Variants in ZNF618 observed in about 807,000 individuals in gnomAD.
ZNF618 encodes zinc finger protein 618, also known as neural precursor cell expressed, developmentally down-regulated 10.
Under a neutral mutation model 103.0 loss-of-function variants are expected in ZNF618, and 34 were observed. The ratio of observed to expected loss-of-function variants is 0.33; its 90% confidence interval spans 0.25 to 0.44. The LOEUF (loss-of-function observed/expected upper bound fraction) is 0.44. ZNF618 is among the 20% of genes least tolerant of loss of function. ZNF618 has a pLI of 1.00. For synonymous variants in ZNF618, 551 were observed against 542.2 expected, an observed-to-expected ratio of 1.02 and a Z score of -0.23; for missense variants, 1,059 against 1,295.4, an observed-to-expected ratio of 0.82 and a Z score of 2.80.
At chr9:113,892,112 TA>T (rs1456440547) in intron 1 of ZNF618, among the ~76,000 whole-genome samples, 6 of 152,152 alleles carry the variant, frequency 3.9e-5, no homozygotes, top group Non-Finnish European at 8.8e-5. Context: ...TTCAGTTTTG[TA>T]AAATGAAAAA....
At chr9:113,913,639 T>C (rs1831775526) in intron 1 of ZNF618, among the ~76,000 whole-genome samples, 1 of 150,450 alleles carries the variant, frequency 6.6e-6, no homozygotes, top group South Asian at 2.1e-4. Flanking sequence ...TTGGCAGATA[T>C]CACTCCTTGG....
Position 114,049,026 on chromosome 9 carries a change from A to G in ZNF618, c.1724A>G (p.His575Arg). ...ILTAYQAEGN[H>R]IKSYVLGVKG... ...ACAGCCTACCAGGCCGAGGGCAACC[A>G]CATCAAGAGCTATGTGCTTGGTGTG... Residue 575 changes from histidine (H) to arginine (R), a missense_variant, in exon 15 of 15, where the codon CAC becomes CGC. By Grantham distance (29) the His-to-Arg change is conservative. Transcript: ENST00000374126. 1 of 1,613,358 alleles carries G rather than the reference A, an allele frequency of 6.2e-7. No individual in the cohort carries two copies. The highest frequency in any genetic ancestry group is 8.5e-7 in the Non-Finnish European group (1 of 1,179,440).
chr9:113,988,092 T>C (rs1186839277), intron 2 of ZNF618, among the ~76,000 whole-genome samples: 1 of 152,124 alleles, frequency 6.6e-6, no homozygotes, highest in Admixed American at 6.5e-5. Context: ...ATGGGTGGAG[T>C]TGGAGGCTTT....
chr9:113,882,506 C>A (rs1238155341), intron 1 of ZNF618, among the ~76,000 whole-genome samples: 1 of 152,176 alleles, frequency 6.6e-6, no homozygotes, highest in African/African-American at 2.4e-5. Flanking sequence ...GAGATTAAGT[C>A]CCACTGACAA....
At chr9:113,939,329 T>A (rs966075146) in intron 1 of ZNF618, among the ~76,000 whole-genome samples, 1 of 152,170 alleles carries the variant, frequency 6.6e-6, no homozygotes, top group Non-Finnish European at 1.5e-5. Context: ...TCATACTATC[T>A]CAGAAGACTT....
chr9:114,045,407 G>A (rs1007159822), intron 13 of ZNF618, among the ~76,000 whole-genome samples: 1 of 151,634 alleles, frequency 6.6e-6, no homozygotes, highest in Non-Finnish European at 1.5e-5. Flanking sequence ...TGTGTGAGGC[G>A]GGAGTCCAAT....
At chr9:113,883,981 G>GGCCCC (rs1564125252) in intron 1 of ZNF618, among the ~76,000 whole-genome samples, 4 of 25,664 alleles carry the variant, frequency 1.6e-4, no homozygotes, top group African/African-American at 6.3e-4. Flanking sequence ...CTCTGGGCTT[G>GGCCCC]GCCCCCCCCC....
chr9:113,992,269 A>G (rs992045513), intron 3 of ZNF618, among the ~76,000 whole-genome samples: 6 of 152,070 alleles, frequency 3.9e-5, no homozygotes, highest in African/African-American at 1.4e-4. Context: ...TGACCTCCTT[A>G]TTTTATAGAG....
chr9:114,021,787 T>C (rs551588096), intron 10 of ZNF618, among the ~76,000 whole-genome samples: 1 of 152,188 alleles, frequency 6.6e-6, no homozygotes, highest in Non-Finnish European at 1.5e-5. Context: ...GTAAATTAGT[T>C]TGCGTTTCCT....
intron 1 of ZNF618, among the ~76,000 whole-genome samples, chr9:113,888,860 A>G (rs183628616): frequency 1.3e-5 from 2 of 152,330 alleles, no homozygotes; most frequent in Non-Finnish European, 2.9e-5. Context: ...AATTGGAAGT[A>G]TAAACAGCTG....
chr9:114,029,022 C>T, intron 11 of ZNF618, 50 bp downstream of exon 11: 1 of 1,519,726 alleles, frequency 6.6e-7, no homozygotes, highest in Non-Finnish European at 8.8e-7. Flanking sequence ...CTGCCCTTCT[C>T]ACCACCTGCC....
Position 113,993,226 on chromosome 9 carries a change from G to C in ZNF618, c.337+4646G>C, listed in dbSNP as rs7036201. Among the ~76,000 whole-genome samples, 3 of 151,722 alleles carry C rather than the reference G, an allele frequency of 2.0e-5. No homozygotes were observed. The East Asian group carries it at 5.8e-4, about 30-fold the overall frequency. ...ACAAGGCACTACCATTGCTCCTGCC[G>C]TGCCAAGGGCCTCCTGAGGACTTCG... On this transcript the variant is annotated intron_variant, in intron 3 of 14. Coordinates refer to ENST00000374126, the MANE Select transcript of ZNF618 (RefSeq NM_001318042.2).
intron 9 of ZNF618, chr9:114,016,189 G>A: frequency 6.2e-7 from 1 of 1,612,646 alleles, no homozygotes; most frequent in Non-Finnish European, 8.5e-7. Context: ...ATAAAGTCGG[G>A]TGGGACTTGA....
intron 1 of ZNF618, among the ~76,000 whole-genome samples, chr9:113,967,247 A>G (rs539311564): frequency 3.9e-5 from 6 of 152,334 alleles, no homozygotes; most frequent in African/African-American, 1.4e-4. Flanking sequence ...ACAAACATTC[A>G]AACAAATTCA....
At chr9:114,012,927 CAGAT>C (rs1267772683) in intron 9 of ZNF618, among the ~76,000 whole-genome samples, 1 of 151,454 alleles carries the variant, frequency 6.6e-6, no homozygotes, top group Non-Finnish European at 1.5e-5. Flanking sequence ...CATCATGTAT[CAGAT>C]AGATTCGATA....
rs1241192867 is a variant in ZNF618 at position 114,054,763 on chromosome 9, TGTA to T, written c.*4602_*4604del. ...TTCAGGGTTTTCTGGGGGATTTTGT[TGTA>T]GTAGTTGCTTTTCTTCCTCTCTCAT... On this transcript the variant is annotated 3_prime_UTR_variant, in exon 15 of 15. Transcript: ENST00000374126. The T allele has an allele frequency of 6.5e-6, 1 of 152,788 alleles. No homozygotes were observed. The highest frequency in any genetic ancestry group is 2.4e-5 in the African/African-American group (1 of 41,456). 9.5% of individuals were successfully genotyped at this position (152,788 alleles called of 1,614,324 possible). A position where few individuals can be genotyped will look rare whatever the true frequency, so the allele number is the denominator to read the frequency against.
intron 10 of ZNF618, among the ~76,000 whole-genome samples, chr9:114,022,601 C>CAAA (rs56235947): frequency 0.059 from 5,310 of 89,678 alleles, 327 homozygotes; most frequent in Non-Finnish European, 0.079. Flanking sequence ...TCCACTTGAC[C>CAAA]AAAAAAAAAA....
chr9:113,918,237 C>T (rs988023602), intron 1 of ZNF618, among the ~76,000 whole-genome samples: 2 of 152,172 alleles, frequency 1.3e-5, no homozygotes, highest in Non-Finnish European at 1.5e-5. Context: ...CACTGTATGA[C>T]ATCGGGGACC....
intron 1 of ZNF618, among the ~76,000 whole-genome samples, chr9:113,927,969 C>T (rs1833248129): frequency 2.0e-5 from 3 of 152,292 alleles, no homozygotes; most frequent in Middle Eastern, 3.4e-3. Flanking sequence ...TGCTCTGTGA[C>T]CTCAGTTCTC....
Sources: allele counts gnomAD v4.1 joint callset (sites outside exome capture counted in the v4.1 genomes callset), GRCh38; gene constraint gnomAD v4.1.1; transcripts MANE v1.5; gene names NCBI Gene and HGNC (gene_info 2026-07-23, HGNC 2026-07-21).